Variants in LAMB3 observed in about 807,000 individuals in gnomAD.
The protein encoded by LAMB3 is laminin subunit beta-3.
Under a neutral mutation model 140.3 loss-of-function variants are expected in LAMB3, and 104 were observed. That is an observed-to-expected ratio of 0.74 (90% CI 0.63 to 0.87). The LOEUF (loss-of-function observed/expected upper bound fraction) is 0.87. LAMB3 is among the 40% of genes least tolerant of loss of function. The pLI is 0.00. For missense variants in LAMB3, 1,531 were observed against 1,575.2 expected (o/e 0.97, Z 0.47); for synonymous variants, 592 against 602.9 (o/e 0.98, Z 0.26).
chr1:209,623,792 CCACGG>C lies in LAMB3; in HGVS notation c.2137+43_2137+47del. The C allele has an allele frequency of 6.2e-7, 1 of 1,613,756 alleles. No homozygotes were observed. The highest frequency in any genetic ancestry group is 1.1e-5 in the South Asian group (1 of 91,086). The stretch of plus-strand genomic sequence containing the variant: ...GGAGGGAGAGGGGGTGGCATGCCCA[CCACGG>C]CAGTGCCCATGCCCGGGGTTATCCG... On this transcript the variant is annotated intron_variant, in intron 15 of 22. Coordinates refer to ENST00000356082, the MANE Select transcript of LAMB3 (RefSeq NM_000228.3). This position sits in a 1 kb window ranked among gnomAD's most constrained non-coding sequence, Gnocchi z 4.2.
chr1:209,644,343 A>G (rs559074196), intron 3 of LAMB3, among the ~76,000 whole-genome samples: 5 of 152,234 alleles, frequency 3.3e-5, no homozygotes, highest in Non-Finnish European at 7.3e-5. Context: ...GAAGCTGATT[A>G]TAGAGATGAT....
chr1:209,639,302 G>T (rs1219676350), intron 3 of LAMB3, among the ~76,000 whole-genome samples: 1 of 152,182 alleles, frequency 6.6e-6, no homozygotes, highest in African/African-American at 2.4e-5. Flanking sequence ...AGTTACAATA[G>T]GGAACAAAAC....
At chr1:209,642,314 C>A (rs936761213) in intron 3 of LAMB3, among the ~76,000 whole-genome samples, 6 of 151,800 alleles carry the variant, frequency 4.0e-5, no homozygotes, top group Admixed American at 2.0e-4. Flanking sequence ...GGAAATACAC[C>A]AATATATTAA....
At chr1:209,619,182 A>G (rs1666102132) in intron 18 of LAMB3, among the ~76,000 whole-genome samples, 1 of 152,192 alleles carries the variant, frequency 6.6e-6, no homozygotes, top group East Asian at 1.9e-4. Flanking sequence ...CAGCCATCCA[A>G]TCTAGAATTG....
chr1:209,651,436 G>A (rs1484244187), intron 1 of LAMB3: 1 of 184,646 alleles, frequency 5.4e-6, no homozygotes, highest in Admixed American at 5.3e-5. Context: ...CAAAGTGAAT[G>A]AGTCAGAGTG....
At position 209,623,133 on chromosome 1, in the gene LAMB3, G is replaced by A. The variant is rs1571805111; in HGVS notation, c.2405C>T (p.Pro802Leu). ...RQMACTPISC[P>L]GELCPQDNGT... ...ATTGTCTTGGGGACATAGCTCACCA[G>A]GGCATGATATTGGGGTGCAAGCCAT... Residue 802 changes from proline to leucine, a missense_variant, in exon 17 of 23, where the codon CCT becomes CTT. Physicochemically the swap from Pro to Leu is moderately conservative, Grantham distance 98. Coordinates refer to ENST00000356082, the MANE Select transcript of LAMB3 (RefSeq NM_000228.3). The surrounding 1 kb of genome is among the most constrained non-coding windows in gnomAD (Gnocchi z 4.2). 7 of 1,614,224 alleles carry A rather than the reference G, an allele frequency of 4.3e-6. No homozygotes were observed. In the Admixed American group the frequency reaches 1.0e-4, roughly 23 times the overall value.
Position 209,622,517 on chromosome 1 carries a change from G to A in LAMB3, c.2701+19C>T, listed in dbSNP as rs1666236439. 1.9e-6 allele frequency: 3 copies of A among 1,613,172 alleles called. No homozygotes were observed. Among genetic ancestry groups the A allele is most frequent in the Non-Finnish European group, 2.5e-6 (3 of 1,179,896 alleles). On this transcript the variant is annotated intron_variant, in intron 18 of 22. Transcript: ENST00000356082. Reference sequence around the variant, plus strand: ...CAGGACTGGAACAGCAGCCAAGGTGGGGTGGAGACTGGGCTCACCTGTTAG... The same window carrying A: ...CAGGACTGGAACAGCAGCCAAGGTGAGGTGGAGACTGGGCTCACCTGTTAG...
At chr1:209,621,838 G>C (rs888316890) in intron 18 of LAMB3, among the ~76,000 whole-genome samples, 2 of 152,162 alleles carry the variant, frequency 1.3e-5, no homozygotes, top group African/African-American at 4.8e-5. Context: ...ATGTCTTTCT[G>C]TGTCTGGCCT....
At chr1:209,632,919 C>A in intron 7 of LAMB3, 143 bp from the exon 8 acceptor site, 3 of 1,030,386 alleles carry the variant, frequency 2.9e-6, no homozygotes, top group Non-Finnish European at 3.0e-6. Context: ...ATCCCACAGA[C>A]AATATCCCTA....
At chr1:209,627,036 T>C in intron 12 of LAMB3, 58 bp from the exon 13 acceptor site, 2 of 1,219,876 alleles carry the variant, frequency 1.6e-6, no homozygotes, top group East Asian at 2.5e-5. Flanking sequence ...CTTACCCTGG[T>C]GTCAGGGACT....
Position 209,623,859 on chromosome 1 carries a change from T to C in LAMB3, c.2118A>G (p.Ile706Met), listed in dbSNP as rs761816760. 1.2e-6 allele frequency: 2 copies of C among 1,614,204 alleles called. No individual in the cohort carries two copies. Among genetic ancestry groups the C allele is most frequent in the Non-Finnish European group, 1.7e-6 (2 of 1,180,032 alleles). Residue 706 changes from isoleucine to methionine, a missense_variant, in exon 15 of 23, where the codon ATA (isoleucine) becomes ATG (methionine). By Grantham distance (10) the Ile-to-Met change is conservative (BLOSUM62 1). Coordinates refer to ENST00000356082, the MANE Select transcript of LAMB3 (RefSeq NM_000228.3). The surrounding 1 kb of genome is among the most constrained non-coding windows in gnomAD (Gnocchi z 4.2). ...CCTCACCTGAAGGATCAGCACTGCT[T>C]ATTTTTTCAAACTGCTCCCTCTTCC... The part of the protein sequence containing the change: ...YQRKREQFEK[I>M]SSADPSGAFR...
intron 1 of LAMB3, 149 bp downstream of exon 1, chr1:209,652,220 A>T (rs1409407679): frequency 1.3e-5 from 2 of 152,108 alleles, no homozygotes; most frequent in East Asian, 1.9e-4. Context: ...AGAAATCAAA[A>T]CTGTAGCAGA....
At position 209,618,028 on chromosome 1, in the gene LAMB3, T is replaced by C. The variant is rs749132724; in HGVS notation, c.2930A>G (p.Glu977Gly). Reference protein sequence around the residue: ...EEARSRAHAVEGQVEDVVGNL... With the variant: ...EEARSRAHAVGGQVEDVVGNL... Reference sequence around the variant, plus strand: ...CCCAACCACATCTTCCACCTGGCCCTCCACTGCATGGGCTCGGCTCCTGGG... The same window carrying C: ...CCCAACCACATCTTCCACCTGGCCCCCCACTGCATGGGCTCGGCTCCTGGG... The change falls in exon 20 of 23, where the codon GAG becomes GGG. Residue 977 changes from glutamate to glycine, a missense_variant. Physicochemically the swap from Glu to Gly is moderately conservative, Grantham distance 98. Coordinates refer to ENST00000356082, the MANE Select transcript of LAMB3 (RefSeq NM_000228.3). 6.2e-7 allele frequency: 1 copy of C among 1,614,084 alleles called. No homozygotes were observed. The highest frequency in any genetic ancestry group is 1.1e-5 in the South Asian group (1 of 91,074).
intron 5 of LAMB3, among the ~76,000 whole-genome samples, chr1:209,637,181 C>A (rs1666922653): frequency 6.6e-6 from 1 of 152,162 alleles, no homozygotes; most frequent in African/African-American, 2.4e-5. Context: ...TGGGGCAAGG[C>A]TCTTAGAGCC....
Position 209,628,034 on chromosome 1 carries a change from C to A in LAMB3, c.1288+1G>T, listed in dbSNP as rs1186161867. On this transcript the variant is annotated splice_donor_variant, in intron 11 of 22. Transcript: ENST00000356082. LOFTEE classifies it high-confidence loss of function. ...CATGCTGGGCCAAGCCCCCTACTCA[C>A]GGTGGCAGCCCTGCGGGTTGGCGTA... 1.0e-5 allele frequency: 16 copies of A among 1,601,746 alleles called. No individual in the cohort carries two copies. Among genetic ancestry groups the A allele is most frequent in the Non-Finnish European group, 1.4e-5 (16 of 1,173,886 alleles).
At position 209,650,952 on chromosome 1, in the gene LAMB3, C is replaced by T; in HGVS notation, c.-8G>A. 6.2e-7 allele frequency: 1 copy of T among 1,614,150 alleles called. No homozygotes were observed. Among genetic ancestry groups the T allele is most frequent in the Non-Finnish European group, 8.5e-7 (1 of 1,179,990 alleles). On this transcript the variant is annotated 5_prime_UTR_variant, in exon 2 of 23. Coordinates refer to ENST00000356082, the MANE Select transcript of LAMB3 (RefSeq NM_000228.3). ...GAGGAAGAATGGTCTCATCTTCAGC[C>T]AATGGGGTGATCCCCAGAAAGGACC...
chr1:209,637,673 T>A (rs565696872), intron 5 of LAMB3, among the ~76,000 whole-genome samples: 1 of 152,088 alleles, frequency 6.6e-6, no homozygotes, highest in South Asian at 2.1e-4. Context: ...ATTAGATGGG[T>A]TGAGGGTGGA....
intron 10 of LAMB3, among the ~76,000 whole-genome samples, chr1:209,628,649 T>C (rs976222904): frequency 6.7e-6 from 1 of 148,216 alleles, no homozygotes; most frequent in Admixed American, 6.7e-5. Flanking sequence ...TAAGCTGAGA[T>C]GGCGCCATTG....
At chr1:209,634,386 T>C in intron 6 of LAMB3, 61 bp downstream of exon 6, 1 of 1,534,460 alleles carries the variant, frequency 6.5e-7, no homozygotes, top group Non-Finnish European at 9.0e-7. Flanking sequence ...TGTGGCTGTG[T>C]GAACAGTGGG....
Sources: gnomAD v4.1 joint callset for allele counts (sites outside exome capture counted in the v4.1 genomes callset) on GRCh38, gnomAD v4.1.1 for gene constraint, Gnocchi (gnomAD v3.1) non-coding constraint, MANE v1.5 for transcripts, NCBI Gene and HGNC (gene_info 2026-07-23, HGNC 2026-07-21) for gene names.